The following PARP14 variants were observed in gnomAD, a reference collection of about 807,000 sequenced individuals.
PARP14 encodes the protein protein mono-ADP-ribosyltransferase PARP14.
A neutral mutation model predicts 154.2 loss-of-function variants in PARP14; 59 were observed. The observed-to-expected ratio is 0.38, with a 90% CI of 0.31 to 0.48. The LOEUF (loss-of-function observed/expected upper bound fraction) is 0.48, where lower values mean the gene tolerates loss of function less well. Ranked by LOEUF, PARP14 falls within the 20% of genes least tolerant of loss-of-function variation. The pLI is 0.98. For synonymous variants in PARP14, 720 were observed against 780.5 expected (o/e 0.92, Z 1.29); for missense variants, 1,734 against 2,131.6 (o/e 0.81, Z 3.67).
Position 122,703,899 on chromosome 3 carries a change from G to T in PARP14, c.3239G>T (p.Ser1080Ile). The T allele has an allele frequency of 6.2e-7, 1 of 1,614,020 alleles. No individual in the cohort carries two copies. The highest frequency in any genetic ancestry group is 2.2e-5 in the East Asian group (1 of 44,880). ...AGCATGGGCACAGTGCTCAAAACCA[G>T]CAGCTGGAATCTGGACTGTCGCTAT... ...AVSMGTVLKT[S>I]SWNLDCRYVL... is the part of the protein sequence containing the mutation. The change falls in exon 7 of 17, where the codon AGC becomes ATC. Residue 1080 changes from serine to isoleucine, a missense_variant. Around this residue, in one of 2 missense-constraint regions of PARP14, gnomAD observed 1,646 missense variants for 1,976.0 expected, o/e 0.83. Coordinates refer to ENST00000474629, the MANE Select transcript of PARP14 (RefSeq NM_017554.3).
At position 122,681,187 on chromosome 3, in the gene PARP14, A is replaced by T; in HGVS notation, c.187+117A>T. On this transcript the variant is annotated intron_variant, in intron 1 of 16. Transcript: ENST00000474629. The surrounding 1 kb of genome is among the most constrained non-coding windows in gnomAD (Gnocchi z 5.5). Reference sequence around the variant, plus strand: ...CCGACTTCGGCGGCTGCTGTAGCGGAGGTGGCCGGGGCGGGGGCGGGGGCG... The same window carrying T: ...CCGACTTCGGCGGCTGCTGTAGCGGTGGTGGCCGGGGCGGGGGCGGGGGCG... 1.4e-5 allele frequency: 1 copy of T among 71,832 alleles called. No homozygotes were observed. The highest frequency in any genetic ancestry group is 2.8e-5 in the Non-Finnish European group (1 of 35,268). The allele number at this position is 71,832 out of a possible 1,614,324, so 4.4% of individuals were successfully genotyped here. A position where few individuals can be genotyped will look rare whatever the true frequency, so the allele number is the denominator to read the frequency against.
Position 122,701,363 on chromosome 3 carries a change from A to G in PARP14, c.2809A>G (p.Ile937Val), listed in dbSNP as rs750759267. ...GFPLGRCVET[I>V]VSAIKENFQF... ...TCCCTTAGGCCGATGCGTGGAGACC[A>G]TTGTTTCTGCCATCAAGGAAAACTT... The change falls in exon 6 of 17, where the codon ATT becomes GTT. Residue 937 changes from isoleucine to valine, a missense_variant. By Grantham distance (29) the Ile-to-Val change is conservative. Around this residue, in one of 2 missense-constraint regions of PARP14, gnomAD observed 1,646 missense variants for 1,976.0 expected, o/e 0.83. Transcript: ENST00000474629. The surrounding 1 kb of genome is among the most constrained non-coding windows in gnomAD (Gnocchi z 4.0). The G allele has an allele frequency of 7.4e-5, 120 of 1,614,050 alleles. No individual in the cohort carries two copies. The highest frequency in any genetic ancestry group is 9.3e-5 in the Non-Finnish European group (110 of 1,179,892).
chr3:122,728,505 A>G lies in PARP14; in HGVS notation c.5314A>G (p.Thr1772Ala). The G allele has an allele frequency of 1.9e-6, 3 of 1,613,524 alleles. No homozygotes were observed. The highest frequency in any genetic ancestry group is 1.7e-6 in the Non-Finnish European group (2 of 1,179,450). Reference protein sequence around the residue: ...NPQNPTDLYDTVTDNVHHPSL... With the variant: ...NPQNPTDLYDAVTDNVHHPSL... ...TCAAAATCCTACTGACCTGTATGAC[A>G]CTGTCACAGATAATGTGCACCATCC... The change falls in exon 17 of 17, where the codon ACT becomes GCT. Residue 1772 changes from threonine (T) to alanine (A), a missense_variant. Around this residue, in one of 2 missense-constraint regions of PARP14, gnomAD observed 88 missense variants for 155.6 expected, o/e 0.57. Coordinates refer to ENST00000474629, the MANE Select transcript of PARP14 (RefSeq NM_017554.3).
chr3:122,686,222 T>A (rs1408777957), intron 2 of PARP14, among the ~76,000 whole-genome samples: 1 of 152,058 alleles, frequency 6.6e-6, no homozygotes, highest in Non-Finnish European at 1.5e-5. Flanking sequence ...GGCATGATCA[T>A]GGCTTGCTGC....
chr3:122,726,295 G>A (rs1170949256), intron 15 of PARP14, among the ~76,000 whole-genome samples: 1 of 151,390 alleles, frequency 6.6e-6, no homozygotes, highest in Non-Finnish European at 1.5e-5. Context: ...AATTCTCTCA[G>A]TTTTTATTTA....
At position 122,729,153 on chromosome 3, in the gene PARP14, TC is replaced by T. The variant is rs1344154881; in HGVS notation, c.*558del. ...GAAAAAAAGCCTAGTCAGACTCCCA[TC>T]CAAAGTAGGAACTATCTCTTTAACA... On this transcript the variant is annotated 3_prime_UTR_variant, in exon 17 of 17. Coordinates refer to ENST00000474629, the MANE Select transcript of PARP14 (RefSeq NM_017554.3). 6.5e-6 allele frequency: 1 copy of T among 152,760 alleles called. No homozygotes were observed. Among genetic ancestry groups the T allele is most frequent in the Non-Finnish European group, 1.5e-5 (1 of 68,470 alleles). The allele number at this position is 152,760 out of a possible 1,614,324, so 9.5% of individuals were successfully genotyped here.
rs559321533 is a variant in PARP14, at chr3:122,690,036, C to A, written c.356-2265C>A. On this transcript the variant is annotated intron_variant, in intron 3 of 16. Transcript: ENST00000474629. Reference sequence around the variant, plus strand: ...AATTCCACATACCCTTCAAGACCTGCTGAACTTCCTCCTCTTCTCTCAAGT... The same window carrying A: ...AATTCCACATACCCTTCAAGACCTGATGAACTTCCTCCTCTTCTCTCAAGT... Among the ~76,000 whole-genome samples, 97 of 152,340 alleles carry A rather than the reference C, an allele frequency of 6.4e-4. 1 individual carries two copies. The highest frequency in any genetic ancestry group is 2.2e-3 in the African/African-American group (92 of 41,582).
intron 7 of PARP14, among the ~76,000 whole-genome samples, 153 bp from the exon 8 acceptor site, chr3:122,704,374 T>A (rs1211684201): frequency 2.0e-5 from 3 of 152,226 alleles, no homozygotes; most frequent in Admixed American, 2.0e-4. Flanking sequence ...CCTTGCCTTC[T>A]CCTGTATTTT....
rs1428550178 is a variant in PARP14 at position 122,681,941 on chromosome 3, C to A, written c.187+871C>A. The stretch of plus-strand genomic sequence containing the variant: ...GATGACCTATCGGGATCTAGTCAAC[C>A]CCTAATTCCGCTTTCATGTCGCTAG... On this transcript the variant is annotated intron_variant, in intron 1 of 16. Coordinates refer to ENST00000474629, the MANE Select transcript of PARP14 (RefSeq NM_017554.3). The surrounding 1 kb of genome is among the most constrained non-coding windows in gnomAD (Gnocchi z 5.5). Among the ~76,000 whole-genome samples the A allele has an allele frequency of 6.6e-6, 1 of 152,142 alleles. No homozygotes were observed. Among genetic ancestry groups the A allele is most frequent in the Non-Finnish European group, 1.5e-5 (1 of 68,036 alleles).
At position 122,699,389 on chromosome 3, in the gene PARP14, G is replaced by A; in HGVS notation, c.836-1G>A. 6.3e-7 allele frequency: 1 copy of A among 1,585,536 alleles called. No individual in the cohort carries two copies. The highest frequency in any genetic ancestry group is 2.2e-5 in the East Asian group (1 of 44,560). ...CATTATTTTACTTCTTTCCTTTTAAGTGTTAGACACCATCATGGCCACAAA... is the reference window on the plus strand; with the variant it reads ...CATTATTTTACTTCTTTCCTTTTAAATGTTAGACACCATCATGGCCACAAA... On this transcript the variant is annotated splice_acceptor_variant, in intron 5 of 16. Coordinates refer to ENST00000474629, the MANE Select transcript of PARP14 (RefSeq NM_017554.3). LOFTEE classifies it high-confidence loss of function.
Position 122,714,414 on chromosome 3 carries a change from C to G in PARP14, c.3985C>G (p.Pro1329Ala). 5 of 1,578,810 alleles carry G rather than the reference C, an allele frequency of 3.2e-6. No homozygotes were observed. The highest frequency in any genetic ancestry group is 4.3e-6 in the Non-Finnish European group (5 of 1,168,524). ...EKKNYSSICL[P>A]AIGTGNAKQH... ...AAAAAATTACTCATCCATTTGCCTC[C>G]CAGCCATTGGGACAGGTTCGTAGCC... Residue 1329 changes from proline to alanine, a missense_variant, in exon 12 of 17, where the codon CCA becomes GCA. This residue lies in a region of PARP14 where 1,646 missense variants were observed against 1,976.0 expected (regional missense o/e 0.83). Transcript: ENST00000474629.
chr3:122,698,465 G>A (rs994758423), intron 5 of PARP14, among the ~76,000 whole-genome samples: 5 of 152,202 alleles, frequency 3.3e-5, no homozygotes, highest in African/African-American at 1.2e-4. Flanking sequence ...AGGAGGAGGT[G>A]TGGTTCTTAC....
chr3:122,680,842 G>T lies in PARP14; in HGVS notation c.-42G>T, dbSNP rs746287606. 2.0e-6 allele frequency: 3 copies of T among 1,510,348 alleles called. No individual in the cohort carries two copies. In the East Asian group the frequency reaches 7.1e-5, roughly 36 times the overall value. The allele number at this position is 1,510,348 out of a possible 1,614,324, so 93.6% of individuals were successfully genotyped here. ...AAAGAGTCAAAGTTAGCGGCCCGGA[G>T]TTGGCGCGGCCCCTGCAGTCCGGCG... On this transcript the variant is annotated 5_prime_UTR_variant, in exon 1 of 17. Transcript: ENST00000474629.
At chr3:122,726,283 TG>T (rs1933284031) in intron 15 of PARP14, among the ~76,000 whole-genome samples, 1 of 152,248 alleles carries the variant, frequency 6.6e-6, no homozygotes, top group Admixed American at 6.5e-5. Flanking sequence ...CTGGTAGTGA[TG>T]AATTCTCTCA....
At chr3:122,715,839 T>A (rs1354801559) in intron 12 of PARP14, among the ~76,000 whole-genome samples, 1 of 151,914 alleles carries the variant, frequency 6.6e-6, no homozygotes, top group African/African-American at 2.4e-5. Flanking sequence ...CCCAAAGGAG[T>A]CCCTGGTAGA....
At chr3:122,689,577 G>A (rs1160751979) in intron 3 of PARP14, among the ~76,000 whole-genome samples, 1 of 152,166 alleles carries the variant, frequency 6.6e-6, no homozygotes, top group Non-Finnish European at 1.5e-5. Flanking sequence ...CCAGAGTGCT[G>A]AGATTACAGG....
intron 9 of PARP14, 88 bp downstream of exon 9, chr3:122,708,356 A>T: frequency 1.4e-6 from 1 of 697,378 alleles, no homozygotes; most frequent in South Asian, 1.8e-5. Flanking sequence ...GATAATTTTT[A>T]TGAAAAAAAA....
intron 12 of PARP14, among the ~76,000 whole-genome samples, chr3:122,714,724 C>T (rs1473569225): frequency 6.6e-6 from 1 of 152,138 alleles, no homozygotes; most frequent in African/African-American, 2.4e-5. Context: ...AGTGGAAAGG[C>T]CATCCCTCAT....
At chr3:122,722,327 A>G in intron 15 of PARP14, 2 of 152,176 alleles carry the variant, frequency 1.3e-5, no homozygotes, top group Non-Finnish European at 2.9e-5. Context: ...ATGATGGTCT[A>G]TTTCTGAGAT....
Sources: allele counts gnomAD v4.1 joint callset (sites outside exome capture counted in the v4.1 genomes callset), GRCh38; gene constraint gnomAD v4.1.1; regional missense constraint gnomAD v4.1.1; non-coding constraint Gnocchi (gnomAD v3.1); transcripts MANE v1.5; gene names NCBI Gene and HGNC (gene_info 2026-07-23, HGNC 2026-07-21).